Variants in ADAMTS6 observed in about 807,000 individuals in gnomAD.
ADAMTS6 encodes the protein ADAM metallopeptidase with thrombospondin type 1 motif 6, also known as A disintegrin and metalloproteinase with thrombospondin motifs 6.
ADAMTS6 carries 23 observed loss-of-function variants against 144.3 expected under a neutral mutation model. The ratio of observed to expected loss-of-function variants is 0.16; its 90% CI spans 0.11 to 0.23. The LOEUF (loss-of-function observed/expected upper bound fraction) is 0.23. ADAMTS6 is among the 10% of genes least tolerant of loss of function. The pLI, the probability that ADAMTS6 is intolerant of heterozygous loss-of-function variation, is 1.00. For synonymous variants in ADAMTS6, 444 were observed against 457.5 expected, an observed-to-expected ratio of 0.97 and a Z score of 0.38; for missense variants, 999 against 1,379.6, an observed-to-expected ratio of 0.72 and a Z score of 4.37.
intron 7 of ADAMTS6, among the ~76,000 whole-genome samples, chr5:65,429,160 A>G (rs1756793810): frequency 6.6e-6 from 1 of 152,154 alleles, no homozygotes; most frequent in South Asian, 2.1e-4. Context: ...CAGCTATTAG[A>G]CCCTTCTTCC....
chr5:65,237,717 C>T (rs1758790349), intron 15 of ADAMTS6, among the ~76,000 whole-genome samples: 1 of 152,038 alleles, frequency 6.6e-6, no homozygotes, highest in Non-Finnish European at 1.5e-5. Context: ...CACAATAAAA[C>T]ATTATCAATT....
intron 7 of ADAMTS6, among the ~76,000 whole-genome samples, chr5:65,435,598 TG>T (rs1325216442): frequency 6.6e-6 from 1 of 151,640 alleles, no homozygotes; most frequent in Non-Finnish European, 1.5e-5. Flanking sequence ...CCTTTTTTTT[TG>T]TAATTCTAAA....
At chr5:65,170,882 T>C in intron 23 of ADAMTS6, 109 bp from the exon 24 acceptor site, 1 of 1,196,488 alleles carries the variant, frequency 8.4e-7, no homozygotes, top group Non-Finnish European at 1.1e-6. Flanking sequence ...TTTTTTTTTT[T>C]CTTTTGAGAC....
chr5:65,208,003 G>A (rs989571367), intron 20 of ADAMTS6, among the ~76,000 whole-genome samples: 3 of 152,166 alleles, frequency 2.0e-5, no homozygotes, highest in Non-Finnish European at 4.4e-5. Flanking sequence ...GCATGCCCAA[G>A]GCCAATGGCC....
chr5:65,284,239 C>T (rs1203281184), intron 11 of ADAMTS6, among the ~76,000 whole-genome samples: 2 of 151,996 alleles, frequency 1.3e-5, no homozygotes, highest in Non-Finnish European at 2.9e-5. Context: ...TTATTAAATA[C>T]TCTCCAGGGA....
chr5:65,197,858 T>C (rs1222768222), intron 20 of ADAMTS6, among the ~76,000 whole-genome samples: 1 of 152,222 alleles, frequency 6.6e-6, no homozygotes, highest in Admixed American at 6.5e-5. Context: ...CTATGTGATA[T>C]GTTTACCACA....
intron 7 of ADAMTS6, among the ~76,000 whole-genome samples, chr5:65,421,443 T>A (rs889289819): frequency 6.6e-6 from 1 of 152,208 alleles, no homozygotes; most frequent in Non-Finnish European, 1.5e-5. Context: ...CTGCTGTTAG[T>A]CTGATAGGTT....
intron 21 of ADAMTS6, among the ~76,000 whole-genome samples, chr5:65,192,419 T>C (rs746217842): frequency 6.6e-6 from 1 of 152,032 alleles, no homozygotes; most frequent in Non-Finnish European, 1.5e-5. Flanking sequence ...AATAGTTCTC[T>C]TGTTTTCACC....
intron 7 of ADAMTS6, among the ~76,000 whole-genome samples, chr5:65,432,280 T>TA (rs1208720764): frequency 2.0e-5 from 3 of 152,010 alleles, no homozygotes; most frequent in Non-Finnish European, 2.9e-5. Flanking sequence ...TCACTCTCTT[T>TA]ATTCCCCAAA....
rs57814694 is a variant in ADAMTS6 at position 65,183,664 on chromosome 5, T to TAAA, written c.2910+4349_2910+4351dup. 7.9e-5 allele frequency among the ~76,000 whole-genome samples: 12 copies of TAAA among 151,670 alleles called. No homozygotes were observed. The East Asian group carries it at 1.5e-3, about 20-fold the overall frequency. On this transcript the variant is annotated intron_variant, in intron 22 of 24. Coordinates refer to ENST00000381055, the MANE Select transcript of ADAMTS6 (RefSeq NM_197941.4). ...AAAGATAAAAATAAAAATAAAAAAATAAAAATTTCTAGAAAAGCAAGATGA... is the reference window on the plus strand; with the variant it reads ...AAAGATAAAAATAAAAATAAAAAAATAAAAAAAATTTCTAGAAAAGCAAGATGA...
At chr5:65,262,714 G>C (rs1433284969) in intron 13 of ADAMTS6, 103 bp downstream of exon 13, 5 of 1,336,168 alleles carry the variant, frequency 3.7e-6, no homozygotes, top group Non-Finnish European at 4.9e-6. Flanking sequence ...ACAAGTACTT[G>C]GCTCACTAGC....
chr5:65,473,890 GTAAAAGT>G lies in ADAMTS6; in HGVS notation c.-224_-218del. 1.9e-6 allele frequency: 1 copy of G among 517,158 alleles called. No individual in the cohort carries two copies. The highest frequency in any genetic ancestry group is 3.4e-6 in the Non-Finnish European group (1 of 291,270). The allele number at this position is 517,158 out of a possible 1,614,324, so 32.0% of individuals were successfully genotyped here. On this transcript the variant is annotated 5_prime_UTR_variant, in exon 2 of 25. The change abolishes the stop of an existing upstream ORF in the 5' untranslated region. Transcript: ENST00000381055. Reference sequence around the variant, plus strand: ...ATCCAAAATGAAAAAAATAATGATGGTAAAAGTTTTCATAAGCAAAGCATTAGGCTGA... The same window carrying G: ...ATCCAAAATGAAAAAAATAATGATGGTTTCATAAGCAAAGCATTAGGCTGA...
At chr5:65,408,540 A>T (rs1399173558) in intron 7 of ADAMTS6, among the ~76,000 whole-genome samples, 2 of 152,158 alleles carry the variant, frequency 1.3e-5, no homozygotes, top group African/African-American at 4.8e-5. Flanking sequence ...ACTCCCATAC[A>T]ATAATAATGG....
intron 19 of ADAMTS6, 109 bp from the exon 20 acceptor site, chr5:65,215,041 CTT>C (rs1756814374): frequency 1.4e-6 from 2 of 1,389,920 alleles, no homozygotes; most frequent in Non-Finnish European, 9.7e-7. Context: ...TTACAGGAAA[CTT>C]AATATAAAAC....
rs549907317 is a variant in ADAMTS6 at position 65,456,785 on chromosome 5, A to C, written c.631+3385T>G. Among the ~76,000 whole-genome samples, 13 of 152,292 alleles carry C rather than the reference A, an allele frequency of 8.5e-5. No homozygotes were observed. In the East Asian group the frequency reaches 2.5e-3, roughly 29 times the overall value. ...CTGGGTATTGGAATAAGTAATTTTCAGTTTCTTCTTTTCCTTTTTGTCCTG... is the reference window on the plus strand; with the variant it reads ...CTGGGTATTGGAATAAGTAATTTTCCGTTTCTTCTTTTCCTTTTTGTCCTG... On this transcript the variant is annotated intron_variant, in intron 4 of 24. Coordinates refer to ENST00000381055, the MANE Select transcript of ADAMTS6 (RefSeq NM_197941.4).
At chr5:65,311,680 G>A (rs1660804895) in intron 9 of ADAMTS6, among the ~76,000 whole-genome samples, 1 of 151,768 alleles carries the variant, frequency 6.6e-6, no homozygotes. Context: ...ATAACATAAT[G>A]CATTTTGTAC....
chr5:65,472,238 T>C (rs1252572585), intron 2 of ADAMTS6, among the ~76,000 whole-genome samples: 1 of 150,326 alleles, frequency 6.7e-6, no homozygotes, highest in East Asian at 1.9e-4. Flanking sequence ...GGGAAATCTC[T>C]ACAGACAGAA....
intron 15 of ADAMTS6, among the ~76,000 whole-genome samples, chr5:65,229,432 C>G (rs1396410643): frequency 1.3e-5 from 2 of 152,102 alleles, no homozygotes; most frequent in Non-Finnish European, 2.9e-5. Context: ...ACCAAAGAAA[C>G]ATGGTAATAT....
intron 24 of ADAMTS6, among the ~76,000 whole-genome samples, chr5:65,163,816 C>T (rs1579927556): frequency 6.6e-6 from 1 of 152,166 alleles, no homozygotes; most frequent in Non-Finnish European, 1.5e-5. Context: ...TGCACTATGC[C>T]ATGTTTGTCT....
Sources: gnomAD v4.1 joint callset for allele counts (sites outside exome capture counted in the v4.1 genomes callset) on GRCh38, gnomAD v4.1.1 for gene constraint, MANE v1.5 for transcripts, NCBI Gene and HGNC (gene_info 2026-07-23, HGNC 2026-07-21) for gene names.